Variants in ZNF600 observed in about 807,000 individuals in gnomAD.
ZNF600 encodes the protein zinc finger protein KR-ZNF1.
In ZNF600, 4 loss-of-function variants were observed where a neutral mutation model predicts 7.3. The ratio of observed to expected loss-of-function variants is 0.55; its 90% CI spans 0.27 to 1.25. The LOEUF (loss-of-function observed/expected upper bound fraction) is 1.25. Among genes scored for constraint, ZNF600 ranks in the 50% most tolerant of loss-of-function variants. The pLI, the probability that ZNF600 is intolerant of heterozygous loss-of-function variation, is 0.12. For synonymous variants in ZNF600, 290 were observed against 308.9 expected, an observed-to-expected ratio of 0.94 and a Z score of 0.64; for missense variants, 911 against 922.1, an observed-to-expected ratio of 0.99 and a Z score of 0.16.
At chr19:52,818,138 T>C in the ZNF600 span, 1 of 1,186,784 alleles carries the variant, frequency 8.4e-7, no homozygotes, top group African/African-American at 1.5e-5. Flanking sequence ...TATGGTCCCC[T>C]ATGCTGCCTA....
the ZNF600 span, among the ~76,000 whole-genome samples, chr19:52,804,719 G>A: frequency 6.6e-6 from 1 of 151,904 alleles, no homozygotes; most frequent in Non-Finnish European, 1.5e-5. Flanking sequence ...TGGCCAGACT[G>A]GTCTCAAACT....
chr19:52,782,341 T>A (rs1368632834), intron 1 of ZNF600, among the ~76,000 whole-genome samples: 2 of 151,508 alleles, frequency 1.3e-5, no homozygotes, highest in Non-Finnish European at 2.9e-5. Context: ...CTGACCAAGA[T>A]GGAGAAACCC....
the ZNF600 span, among the ~76,000 whole-genome samples, chr19:52,822,501 T>A: frequency 6.6e-6 from 1 of 152,196 alleles, no homozygotes; most frequent in African/African-American, 2.4e-5. Flanking sequence ...TATTAATGAA[T>A]AAGCCTTAGA....
chr19:52,775,601 G>T (rs111940101), intron 2 of ZNF600, among the ~76,000 whole-genome samples: 20 of 150,386 alleles, frequency 1.3e-4, no homozygotes, highest in African/African-American at 4.5e-4. Flanking sequence ...AGACATGTCA[G>T]ATATTATGTT....
the ZNF600 span, among the ~76,000 whole-genome samples, chr19:52,829,287 C>T: frequency 1.3e-5 from 2 of 151,514 alleles, no homozygotes; most frequent in African/African-American, 4.9e-5. Context: ...CATATGTATA[C>T]ATGTGCCATG....
chr19:52,766,847 T>G, exon 4 of ZNF600: 1 of 1,614,136 alleles, frequency 6.2e-7, no homozygotes, highest in Non-Finnish European at 8.5e-7. Flanking sequence ...ATTCTTCACA[T>G]TTGTAAGGTT....
At chr19:52,802,761 CTT>C in the ZNF600 span, among the ~76,000 whole-genome samples, 141 of 127,504 alleles carry the variant, frequency 1.1e-3, no homozygotes, top group Non-Finnish European at 1.2e-3. Context: ...CACGTTGTGA[CTT>C]TTTTTTTTTT....
At chr19:52,765,586 A>G (rs1199170171) in exon 4 of ZNF600, 12 of 1,613,662 alleles carry the variant, frequency 7.4e-6, no homozygotes, top group Admixed American at 1.7e-5. Flanking sequence ...CAATCATTAC[A>G]TTAGTCAAGT....
chr19:52,817,926 C>A, the ZNF600 span: 12 of 1,610,034 alleles, frequency 7.5e-6, no homozygotes, highest in Non-Finnish European at 8.5e-6. Flanking sequence ...GAGCAATCCA[C>A]CGAGAATACC....
chr19:52,809,229 G>A, the ZNF600 span, among the ~76,000 whole-genome samples: 3 of 152,128 alleles, frequency 2.0e-5, no homozygotes, highest in South Asian at 4.1e-4. Context: ...CTGACCTGGA[G>A]GAATGTTCAG....
At chr19:52,786,237 C>G (rs1178645991) in intron 1 of ZNF600, among the ~76,000 whole-genome samples, 5 of 152,108 alleles carry the variant, frequency 3.3e-5, no homozygotes, top group African/African-American at 1.2e-4. Context: ...GAAGCGAAGA[C>G]TTGGGGAGCA....
the ZNF600 span, chr19:52,806,068 A>C: frequency 6.6e-6 from 1 of 152,238 alleles, no homozygotes; most frequent in South Asian, 2.1e-4. Flanking sequence ...TTTCATATTT[A>C]AAATAAAAGG....
the ZNF600 span, among the ~76,000 whole-genome samples, chr19:52,832,127 C>T: frequency 3.1e-5 from 4 of 128,484 alleles, no homozygotes; most frequent in Admixed American, 8.2e-5. Flanking sequence ...GCAAAAGAAT[C>T]GCTGTAATCC....
chr19:52,782,223 C>T (rs1051769659), intron 1 of ZNF600, among the ~76,000 whole-genome samples: 6 of 151,868 alleles, frequency 4.0e-5, no homozygotes, highest in Non-Finnish European at 7.4e-5. Flanking sequence ...AAGAGTGTCT[C>T]AAAAAAATAA....
the ZNF600 span, chr19:52,800,825 T>C: frequency 1.6e-5 from 26 of 1,614,038 alleles, no homozygotes; most frequent in African/African-American, 2.7e-5. Flanking sequence ...TTGCTAGGTA[T>C]GAATTACATG....
Position 52,774,557 on chromosome 19 carries a change from G to A in ZNF600, c.190+18C>T. 5.1e-6 allele frequency: 5 copies of A among 984,810 alleles called. No individual in the cohort carries two copies. The highest frequency in any genetic ancestry group is 6.0e-6 in the Non-Finnish European group (5 of 829,882). 61.0% of individuals were successfully genotyped at this position (984,810 alleles called of 1,614,324 possible). The stretch of plus-strand genomic sequence containing the variant: ...CAAGAGCAGACTCCTCATGTCTGGG[G>A]GACATCATTTTCCTCACCCACAGCT... On this transcript the variant is annotated intron_variant, in intron 3 of 3. Coordinates refer to ENST00000648973, the Ensembl canonical transcript of ZNF600.
the ZNF600 span, chr19:52,810,781 A>AAC: frequency 2.0e-3 from 238 of 119,242 alleles, 2 homozygotes; most frequent in Middle Eastern, 5.7e-3. Context: ...AAAAAAACCC[A>AAC]AAAAAAACAG....
At chr19:52,773,676 C>T (rs982467239) in intron 3 of ZNF600, among the ~76,000 whole-genome samples, 3 of 151,940 alleles carry the variant, frequency 2.0e-5, no homozygotes, top group African/African-American at 7.3e-5. Context: ...CGAGACCAGC[C>T]AGGCCAGCAT....
the ZNF600 span, chr19:52,810,766 A>G: frequency 3.6e-6 from 2 of 552,254 alleles, no homozygotes; most frequent in Non-Finnish European, 6.4e-6. Context: ...AAAAAAAAAG[A>G]ATAAAAAAAA....
Sources: gnomAD v4.1 joint callset for allele counts (sites outside exome capture counted in the v4.1 genomes callset) on GRCh38, gnomAD v4.1.1 for gene constraint, MANE v1.5 for transcripts, NCBI Gene and HGNC (gene_info 2026-07-23, HGNC 2026-07-21) for gene names.